SLC24A3: variants seen among roughly 807,000 people sequenced by gnomAD.
SLC24A3 encodes sodium/potassium/calcium exchanger 3.
Under a neutral mutation model 75.8 loss-of-function variants are expected in SLC24A3, and 28 were observed. That is an observed-to-expected ratio of 0.37 (90% CI 0.27 to 0.51). SLC24A3 has a LOEUF of 0.51. Among genes scored for constraint, SLC24A3 ranks in the 20% least tolerant of loss-of-function variants. SLC24A3 has a pLI of 0.94. For synonymous variants in SLC24A3, 372 were observed against 334.1 expected, an observed-to-expected ratio of 1.11 and a Z score of -1.24; for missense variants, 663 against 847.8, an observed-to-expected ratio of 0.78 and a Z score of 2.71.
intron 9 of SLC24A3, among the ~76,000 whole-genome samples, chr20:19,678,748 G>T (rs2032568466): frequency 1.3e-5 from 2 of 150,248 alleles, no homozygotes; most frequent in African/African-American, 4.9e-5. Context: ...TTCTCAGACG[G>T]GGCGGCTGCC....
In SLC24A3 at chr20:19,693,411, A is replaced by G. The variant is rs767298516; in HGVS notation, c.1477A>G (p.Met493Val). Reference protein sequence around the residue: ...STLWIAAFSYMMVWMVTIIGY... With the variant: ...STLWIAAFSYVMVWMVTIIGY... ...GCTGTGGATCGCAGCCTTCTCCTAC[A>G]TGATGGTGTGGATGGTGAGTGCAAT... The change falls in exon 13 of 17, where the codon ATG (methionine) becomes GTG (valine). Residue 493 changes from methionine (M) to valine (V), a missense_variant. Transcript: ENST00000328041. 1.4e-5 allele frequency: 22 copies of G among 1,613,898 alleles called. 1 individual carries two copies. Among genetic ancestry groups the G allele is most frequent in the Admixed American group, 6.7e-5 (4 of 59,986 alleles).
At chr20:19,593,844 A>T (rs1218658655) in intron 6 of SLC24A3, among the ~76,000 whole-genome samples, 1 of 152,172 alleles carries the variant, frequency 6.6e-6, no homozygotes, top group Non-Finnish European at 1.5e-5. Flanking sequence ...CTTGGGTGCA[A>T]AGGGACTGGC....
At chr20:19,577,925 C>A (rs1171245339) in intron 3 of SLC24A3, among the ~76,000 whole-genome samples, 1 of 152,126 alleles carries the variant, frequency 6.6e-6, no homozygotes, top group African/African-American at 2.4e-5. Context: ...GTGCATATGT[C>A]TTTATGCATT....
chr20:19,390,826 C>T (rs893678093), intron 2 of SLC24A3, among the ~76,000 whole-genome samples: 10 of 152,178 alleles, frequency 6.6e-5, no homozygotes, highest in African/African-American at 2.4e-4. Flanking sequence ...CCTGGGGAGG[C>T]CTGGAGACTG....
chr20:19,681,338 A>T (rs920756530), intron 9 of SLC24A3, among the ~76,000 whole-genome samples: 1 of 152,232 alleles, frequency 6.6e-6, no homozygotes, highest in Admixed American at 6.5e-5. Flanking sequence ...AACCAAAGCC[A>T]TACAGAGACC....
At chr20:19,449,102 G>T (rs1252835102) in intron 2 of SLC24A3, among the ~76,000 whole-genome samples, 1 of 152,202 alleles carries the variant, frequency 6.6e-6, no homozygotes, top group East Asian at 1.9e-4. Flanking sequence ...AAATGGGAAG[G>T]GCCCATCAAG....
intron 3 of SLC24A3, among the ~76,000 whole-genome samples, chr20:19,533,725 G>C (rs2030345749): frequency 2.0e-5 from 3 of 152,198 alleles, no homozygotes; most frequent in Admixed American, 6.5e-5. Flanking sequence ...TGCCTAAGGA[G>C]TTTAGATTTT....
chr20:19,552,945 G>T (rs1330774785), intron 3 of SLC24A3, among the ~76,000 whole-genome samples: 1 of 152,044 alleles, frequency 6.6e-6, no homozygotes, highest in African/African-American at 2.4e-5. Flanking sequence ...TGTGCAGTGC[G>T]GGCCTGTGAT....
chr20:19,297,202 A>T (rs533769524), intron 2 of SLC24A3, among the ~76,000 whole-genome samples: 19 of 152,338 alleles, frequency 1.2e-4, no homozygotes, highest in African/African-American at 4.1e-4. Context: ...TCAGAAGTCA[A>T]CCCATTCCCT....
intron 3 of SLC24A3, among the ~76,000 whole-genome samples, chr20:19,555,737 C>T (rs2030771768): frequency 6.6e-6 from 1 of 152,188 alleles, no homozygotes; most frequent in African/African-American, 2.4e-5. Context: ...TTGTACATGA[C>T]TGAAGAATAT....
intron 2 of SLC24A3, among the ~76,000 whole-genome samples, chr20:19,450,053 A>G (rs765112635): frequency 3.9e-5 from 6 of 152,216 alleles, no homozygotes; most frequent in Admixed American, 1.3e-4. Context: ...GATGTGCATC[A>G]CTTTGGAATG....
chr20:19,356,275 GCA>G (rs1224041812), intron 2 of SLC24A3, among the ~76,000 whole-genome samples: 1 of 152,204 alleles, frequency 6.6e-6, no homozygotes, highest in Non-Finnish European at 1.5e-5. Context: ...ACTTGTCACT[GCA>G]CACAGTTTCA....
chr20:19,215,009 T>C (rs1981514831), intron 1 of SLC24A3, among the ~76,000 whole-genome samples: 1 of 152,180 alleles, frequency 6.6e-6, no homozygotes, highest in African/African-American at 2.4e-5. Context: ...ACATATGAGT[T>C]GAAATGGTCT....
At chr20:19,423,543 T>G (rs1986951474) in intron 2 of SLC24A3, among the ~76,000 whole-genome samples, 1 of 152,224 alleles carries the variant, frequency 6.6e-6, no homozygotes, top group Non-Finnish European at 1.5e-5. Flanking sequence ...AATTGTTTTC[T>G]CTGCTCCCAG....
rs1334370738 is a variant in SLC24A3, at chr20:19,660,979, G to GGTA, written c.688-4884_688-4882dup. On this transcript the variant is annotated intron_variant, in intron 7 of 16. Transcript: ENST00000328041. Reference sequence around the variant, plus strand: ...GGAAAGTCCTGCTTTAATGACACTGGGTAAACTAGGAGGCCGGTTACACTC... The same window carrying GGTA: ...GGAAAGTCCTGCTTTAATGACACTGGGTAGTAAACTAGGAGGCCGGTTACACTC... Among the ~76,000 whole-genome samples the GGTA allele has an allele frequency of 2.0e-5, 3 of 152,094 alleles. No homozygotes were observed. The East Asian group carries it at 5.8e-4, about 29-fold the overall frequency.
intron 15 of SLC24A3, among the ~76,000 whole-genome samples, chr20:19,706,745 A>G (rs1382099318): frequency 1.3e-5 from 2 of 152,140 alleles, no homozygotes; most frequent in African/African-American, 2.4e-5. Context: ...CCTTTTAGAA[A>G]GGACGTTCTG....
chr20:19,415,473 T>C (rs1379727213), intron 2 of SLC24A3, among the ~76,000 whole-genome samples: 1 of 152,200 alleles, frequency 6.6e-6, no homozygotes, highest in Non-Finnish European at 1.5e-5. Flanking sequence ...AAACAACTGC[T>C]TCCAGCCATA....
At chr20:19,462,551 G>A (rs763477598) in intron 2 of SLC24A3, among the ~76,000 whole-genome samples, 4 of 152,196 alleles carry the variant, frequency 2.6e-5, no homozygotes, top group Non-Finnish European at 5.9e-5. Flanking sequence ...CAACTTAACC[G>A]ACATGGTGAG....
intron 3 of SLC24A3, among the ~76,000 whole-genome samples, chr20:19,533,669 C>T (rs2030344937): frequency 6.6e-6 from 1 of 152,140 alleles, no homozygotes; most frequent in African/African-American, 2.4e-5. Context: ...TGGGAGATGG[C>T]AAGAGCTTGG....
Sources: gnomAD v4.1 joint callset for allele counts (sites outside exome capture counted in the v4.1 genomes callset) on GRCh38, gnomAD v4.1.1 for gene constraint, MANE v1.5 for transcripts, NCBI Gene and HGNC (gene_info 2026-07-23, HGNC 2026-07-21) for gene names.